Variants in TPR observed in about 807,000 individuals in gnomAD.
The protein encoded by TPR is translocated promoter region, nuclear basket protein, also known as nucleoprotein TPR.
A neutral mutation model predicts 316.1 loss-of-function variants in TPR; 51 were observed. The ratio of observed to expected loss-of-function variants is 0.16; its 90% CI spans 0.13 to 0.20. The LOEUF (loss-of-function observed/expected upper bound fraction) is 0.20, where lower values mean the gene tolerates loss of function less well. TPR is among the 10% of genes least tolerant of loss of function. TPR has a pLI of 1.00. For synonymous variants in TPR, 981 were observed against 914.7 expected (o/e 1.07, Z -1.31); for missense variants, 2,272 against 2,754.8 (o/e 0.82, Z 3.92).
chr1:186,320,356 G>A lies in TPR; in HGVS notation c.6524C>T (p.Thr2175Ile). The A allele has an allele frequency of 6.2e-7, 1 of 1,613,268 alleles. No individual in the cohort carries two copies. Among genetic ancestry groups the A allele is most frequent in the Non-Finnish European group, 8.5e-7 (1 of 1,179,486 alleles). Residue 2175 changes from threonine (T) to isoleucine (I), a missense_variant, in exon 46 of 51, where the codon ACA becomes ATA. By Grantham distance (89) the Thr-to-Ile change is moderately conservative. Coordinates refer to ENST00000367478, the MANE Select transcript of TPR (RefSeq NM_003292.3). ...RFGPPEDMPQ[T>I]SSSHSDLGQL... ...GCCAAGATCAGAGTGACTAGAACTTGTTTGTGGCATATCTTCAGGTGGCCC... is the reference window on the plus strand; with the variant it reads ...GCCAAGATCAGAGTGACTAGAACTTATTTGTGGCATATCTTCAGGTGGCCC...
intron 43 of TPR, among the ~76,000 whole-genome samples, chr1:186,322,985 G>T (rs1418240576): frequency 1.3e-5 from 2 of 152,036 alleles, no homozygotes; most frequent in African/African-American, 4.8e-5. Context: ...TGGACAGATT[G>T]GATATATTTT....
chr1:186,334,237 G>A, intron 36 of TPR, 88 bp downstream of exon 36: 1 of 1,313,910 alleles, frequency 7.6e-7, no homozygotes, highest in Non-Finnish European at 1.0e-6. Flanking sequence ...AGCTGTAGTG[G>A]ATGCTTCATT....
At chr1:186,361,164 C>T (rs1659174838) in intron 9 of TPR, among the ~76,000 whole-genome samples, 1 of 151,864 alleles carries the variant, frequency 6.6e-6, no homozygotes, top group South Asian at 2.1e-4. Context: ...CTAGGTATAT[C>T]TTTGATTTCG....
In TPR at chr1:186,336,620, T is replaced by C; in HGVS notation, c.4581A>G (p.Arg1527=). Residue 1527 remains arginine, a synonymous_variant, in exon 33 of 51, where the codon CGA becomes CGG. Transcript: ENST00000367478. ...TTCTATCTTGAAGATCCTGACGAAG[T>C]CGTGAAAGTTCAGACTGAAGTTGCA... is the stretch of plus-strand genomic sequence containing the variant. ...QTVQLQSELS[R]LRQDLQDRTT... is the part of the protein sequence containing the mutation. 1 of 1,613,872 alleles carries C rather than the reference T, an allele frequency of 6.2e-7. No homozygotes were observed. The highest frequency in any genetic ancestry group is 8.5e-7 in the Non-Finnish European group (1 of 1,179,888).
chr1:186,329,290 TGCTCTCTGAA>T (rs1658087122), intron 39 of TPR, among the ~76,000 whole-genome samples: 1 of 152,136 alleles, frequency 6.6e-6, no homozygotes. Context: ...TCAGAAACAA[TGCTCTCTGAA>T]GGATAGATGA....
intron 14 of TPR, 33 bp from the exon 15 acceptor site, chr1:186,356,482 G>T: frequency 1.3e-6 from 2 of 1,556,602 alleles, no homozygotes; most frequent in Admixed American, 1.8e-5. Context: ...TCACAGGACT[G>T]AACTGAGAGT....
At chr1:186,357,709 T>C (rs998740054) in intron 13 of TPR, 86 bp from the exon 14 acceptor site, 1 of 1,195,398 alleles carries the variant, frequency 8.4e-7, no homozygotes, top group Non-Finnish European at 1.2e-6. Context: ...AATTAAAACA[T>C]TACTTATAAA....
intron 39 of TPR, among the ~76,000 whole-genome samples, chr1:186,329,125 T>C (rs1438506232): frequency 1.3e-5 from 2 of 152,122 alleles, no homozygotes; most frequent in African/African-American, 2.4e-5. Flanking sequence ...CAGTAGACAA[T>C]GCTAGAGGGG....
At chr1:186,348,652 T>C (rs989261496) in intron 21 of TPR, among the ~76,000 whole-genome samples, 5 of 152,142 alleles carry the variant, frequency 3.3e-5, no homozygotes, top group Admixed American at 3.3e-4. Flanking sequence ...GTCCTAGATA[T>C]GTGATGTCAC....
Position 186,340,828 on chromosome 1 carries a change from T to A in TPR, c.4020+200A>T, listed in dbSNP as rs529462267. Among the ~76,000 whole-genome samples, 5 of 151,986 alleles carry A rather than the reference T, an allele frequency of 3.3e-5. No individual in the cohort carries two copies. The East Asian group carries it at 7.7e-4, about 23-fold the overall frequency. ...AATAACTGCTTTTTAGAAATATATA[T>A]AATATAACCAAAATTTTTTATAAAT... On this transcript the variant is annotated intron_variant, in intron 29 of 50. Transcript: ENST00000367478.
rs760796393 is a variant in TPR, at chr1:186,333,304, G to A, written c.5273C>T (p.Ser1758Phe). The change falls in exon 37 of 51, where the codon TCT becomes TTT. Residue 1758 changes from serine (S) to phenylalanine (F), a missense_variant. This residue lies in a region of TPR where 435 missense variants were observed against 461.1 expected (regional missense o/e 0.94). Coordinates refer to ENST00000367478, the MANE Select transcript of TPR (RefSeq NM_003292.3). The part of the protein sequence containing the change: ...VRSTSPNVQP[S>F]ISQPILTVQQ... ...AACAGTTAAAATAGGTTGAGAGATAGAAGGCTGGACATTAGGACTAGTAGA... is the reference window on the plus strand; with the variant it reads ...AACAGTTAAAATAGGTTGAGAGATAAAAGGCTGGACATTAGGACTAGTAGA... 6.2e-7 allele frequency: 1 copy of A among 1,613,706 alleles called. No homozygotes were observed. The highest frequency in any genetic ancestry group is 8.5e-7 in the Non-Finnish European group (1 of 1,179,718).
At chr1:186,334,053 GA>G (rs1658266515) in intron 36 of TPR, among the ~76,000 whole-genome samples, 1 of 152,118 alleles carries the variant, frequency 6.6e-6, no homozygotes, top group South Asian at 2.1e-4. Flanking sequence ...AAAAATTGAA[GA>G]AAGCAATGAA....
chr1:186,359,453 G>A (rs990120760), intron 12 of TPR, among the ~76,000 whole-genome samples: 2 of 151,962 alleles, frequency 1.3e-5, no homozygotes, highest in Non-Finnish European at 2.9e-5. Flanking sequence ...GAATGATTAT[G>A]GCAAATAGGA....
chr1:186,370,593 A>G (rs1461902197), intron 3 of TPR, among the ~76,000 whole-genome samples: 2 of 152,132 alleles, frequency 1.3e-5, no homozygotes, highest in Non-Finnish European at 2.9e-5. Context: ...AAATAATTGC[A>G]TGCAACCACT....
rs1657340829 is a variant in TPR, at chr1:186,312,507, T to C, written c.*1464A>G. ...TTTAAGCTTACTGATGAAAAACTCATCCACTTGCCTTAGTGAATAACCAAA... is the reference window on the plus strand; with the variant it reads ...TTTAAGCTTACTGATGAAAAACTCACCCACTTGCCTTAGTGAATAACCAAA... On this transcript the variant is annotated 3_prime_UTR_variant, in exon 51 of 51. Coordinates refer to ENST00000367478, the MANE Select transcript of TPR (RefSeq NM_003292.3). 2.1e-6 allele frequency: 2 copies of C among 932,796 alleles called. No individual in the cohort carries two copies. The highest frequency in any genetic ancestry group is 2.7e-5 in the Admixed American group (1 of 37,728). The allele number at this position is 932,796 out of a possible 1,614,324, so 57.8% of individuals were successfully genotyped here.
chr1:186,374,819 C>T (rs752818942), intron 1 of TPR, 59 bp downstream of exon 1: 13 of 1,542,186 alleles, frequency 8.4e-6, no homozygotes, highest in Middle Eastern at 1.8e-4. Context: ...GGGGGAAGAC[C>T]AGACCCAAAG....
rs201502175 is a variant in TPR, at chr1:186,326,140, G to C, written c.5985C>G (p.Ala1995=). The change falls in exon 41 of 51, where the codon GCC becomes GCG. Residue 1995 remains alanine, a synonymous_variant. Coordinates refer to ENST00000367478, the MANE Select transcript of TPR (RefSeq NM_003292.3). ...GEDSNEGTGS[A]DGNDGYEADD... ...CAGCTTCATAACCATCATTGCCATCGGCACTACCAGTTCCTTCATTACTAT... is the reference window on the plus strand; with the variant it reads ...CAGCTTCATAACCATCATTGCCATCCGCACTACCAGTTCCTTCATTACTAT... 6.2e-7 allele frequency: 1 copy of C among 1,612,956 alleles called. No individual in the cohort carries two copies. Among genetic ancestry groups the C allele is most frequent in the Non-Finnish European group, 8.5e-7 (1 of 1,179,158 alleles).
rs779954280 is a variant in TPR at position 186,312,270 on chromosome 1, A to G, written c.*1701T>C. The G allele has an allele frequency of 6.2e-7, 1 of 1,614,108 alleles. No homozygotes were observed. The highest frequency in any genetic ancestry group is 1.1e-5 in the South Asian group (1 of 91,082). On this transcript the variant is annotated 3_prime_UTR_variant, in exon 51 of 51. Coordinates refer to ENST00000367478, the MANE Select transcript of TPR (RefSeq NM_003292.3). Reference sequence around the variant, plus strand: ...AAATTATCCAGTGTATGGAGAAACGACACAGGTTAGGAGACGTCGCTTTGA... The same window carrying G: ...AAATTATCCAGTGTATGGAGAAACGGCACAGGTTAGGAGACGTCGCTTTGA...
chr1:186,366,601 G>A (rs1025216568), intron 4 of TPR, among the ~76,000 whole-genome samples: 1 of 152,080 alleles, frequency 6.6e-6, no homozygotes, highest in Non-Finnish European at 1.5e-5. Context: ...ACTTGTTTCT[G>A]CCATAGTTAA....
Sources: allele counts gnomAD v4.1 joint callset (sites outside exome capture counted in the v4.1 genomes callset), GRCh38; gene constraint gnomAD v4.1.1; regional missense constraint gnomAD v4.1.1; transcripts MANE v1.5; gene names NCBI Gene and HGNC (gene_info 2026-07-23, HGNC 2026-07-21).